The following RALYL variants were observed in gnomAD, a reference collection of about 807,000 sequenced individuals.
RALYL encodes RALY RNA binding protein like.
A neutral mutation model predicts 35.1 loss-of-function variants in RALYL; 29 were observed. That is an observed-to-expected ratio of 0.83 (90% CI 0.61 to 1.13). The LOEUF (loss-of-function observed/expected upper bound fraction) is 1.13. Among genes scored for constraint, RALYL ranks in the 50% most tolerant of loss-of-function variants. The probability of loss-of-function intolerance (pLI) is 0.00; values close to 1 mark genes in which losing one functional copy is unlikely to be tolerated. For missense variants in RALYL, 359 were observed against 360.4 expected, an observed-to-expected ratio of 1.00 and a Z score of 0.03; for synonymous variants, 120 against 127.6, an observed-to-expected ratio of 0.94 and a Z score of 0.40.
chr8:84,203,397 A>T (rs1017376325), intron 1 of RALYL, among the ~76,000 whole-genome samples: 1 of 152,020 alleles, frequency 6.6e-6, no homozygotes, highest in African/African-American at 2.4e-5. Context: ...GAACTTTTCA[A>T]GTGCTTTTAT....
intron 2 of RALYL, among the ~76,000 whole-genome samples, chr8:84,549,359 GATT>G (rs139230505): frequency 3.0e-4 from 45 of 152,260 alleles, no homozygotes; most frequent in African/African-American, 1.1e-3. Context: ...TTTCCCCATG[GATT>G]GGTGTGATGG....
At chr8:84,678,511 C>T (rs766164012) in intron 2 of RALYL, among the ~76,000 whole-genome samples, 6 of 152,110 alleles carry the variant, frequency 3.9e-5, no homozygotes, top group Admixed American at 6.6e-5. Flanking sequence ...AAATGATCCA[C>T]CCACCTCGGC....
chr8:84,788,378 AT>A (rs1426993760), intron 3 of RALYL, among the ~76,000 whole-genome samples: 2 of 152,222 alleles, frequency 1.3e-5, no homozygotes, highest in Admixed American at 1.3e-4. Flanking sequence ...CCATATGCAG[AT>A]AATATTTTTC....
intron 1 of RALYL, among the ~76,000 whole-genome samples, chr8:84,429,958 A>G (rs2046964363): frequency 6.6e-6 from 1 of 152,022 alleles, no homozygotes; most frequent in South Asian, 2.1e-4. Context: ...TTACTCTGAA[A>G]GGTGCAGAAA....
At chr8:84,554,767 C>G (rs980811814) in intron 2 of RALYL, among the ~76,000 whole-genome samples, 6 of 151,992 alleles carry the variant, frequency 3.9e-5, no homozygotes, top group Admixed American at 1.3e-4. Context: ...TCTCTTAGGA[C>G]GAATAATACT....
In RALYL at chr8:84,543,688, T is replaced by C. The variant is rs1456371502; in HGVS notation, c.256+14111T>C. 2.6e-5 allele frequency among the ~76,000 whole-genome samples: 4 copies of C among 152,018 alleles called. No homozygotes were observed. In the East Asian group the frequency reaches 7.8e-4, roughly 29 times the overall value. On this transcript the variant is annotated intron_variant, in intron 2 of 8. Coordinates refer to ENST00000521268, the MANE Select transcript of RALYL (RefSeq NM_173848.7). ...CTTTGGCTTTGACACCATATTTATG[T>C]TGGTTTCTGGGTCGTTTTGACATAA...
chr8:84,507,385 T>C (rs994790353), intron 1 of RALYL, among the ~76,000 whole-genome samples: 1 of 152,108 alleles, frequency 6.6e-6, no homozygotes, highest in African/African-American at 2.4e-5. Context: ...AGTATAATTA[T>C]GAATTCAGTA....
At chr8:84,277,058 C>G (rs1293170707) in intron 1 of RALYL, among the ~76,000 whole-genome samples, 1 of 152,218 alleles carries the variant, frequency 6.6e-6, no homozygotes, top group Non-Finnish European at 1.5e-5. Context: ...TATATCTCTA[C>G]TGTGTCTTTG....
At chr8:84,543,597 G>T (rs924904125) in intron 2 of RALYL, among the ~76,000 whole-genome samples, 4 of 151,940 alleles carry the variant, frequency 2.6e-5, no homozygotes, top group Non-Finnish European at 5.9e-5. Context: ...TGAGCTCAGG[G>T]ATTAAACATA....
At chr8:84,351,992 A>T (rs1850985973) in intron 1 of RALYL, among the ~76,000 whole-genome samples, 4 of 150,338 alleles carry the variant, frequency 2.7e-5, no homozygotes, top group Admixed American at 2.0e-4. Flanking sequence ...TTTTAGATGG[A>T]AATATATGTG....
rs371997512 is a variant in RALYL at position 84,353,664 on chromosome 8, G to C, written c.-24+169240G>C. ...CGTCAAGATATGTTACAAGGTGCAA[G>C]ACTTAACATTAACTGCCTTTCTAAC... On this transcript the variant is annotated intron_variant, in intron 1 of 8. Transcript: ENST00000521268. Among the ~76,000 whole-genome samples the C allele has an allele frequency of 1.1e-3, 162 of 150,224 alleles. 5 individuals are homozygous for C. The South Asian group carries it at 0.032, about 30-fold the overall frequency.
At chr8:84,212,164 G>A (rs16919771) in intron 1 of RALYL, among the ~76,000 whole-genome samples, 5,459 of 152,188 alleles carry the variant, frequency 0.036, 313 homozygotes, top group African/African-American at 0.12. Flanking sequence ...AAGTTTCATA[G>A]CAGAGGTTAA....
intron 2 of RALYL, among the ~76,000 whole-genome samples, chr8:84,553,906 C>T (rs1290611750): frequency 6.6e-6 from 1 of 152,098 alleles, no homozygotes; most frequent in African/African-American, 2.4e-5. Context: ...AAGTGTTACA[C>T]AAACATTTGC....
chr8:84,463,295 A>G (rs1288354005), intron 1 of RALYL, among the ~76,000 whole-genome samples: 1 of 152,010 alleles, frequency 6.6e-6, no homozygotes, highest in Admixed American at 6.6e-5. Flanking sequence ...TTTCTGTGAC[A>G]TGGACAACAT....
At chr8:84,258,484 T>C (rs780020558) in intron 1 of RALYL, among the ~76,000 whole-genome samples, 1 of 152,078 alleles carries the variant, frequency 6.6e-6, no homozygotes, top group Non-Finnish European at 1.5e-5. Flanking sequence ...TTACTTTTTT[T>C]TTTCTCACAA....
chr8:84,413,612 A>T (rs987047976), intron 1 of RALYL, among the ~76,000 whole-genome samples: 36 of 151,212 alleles, frequency 2.4e-4, no homozygotes, highest in Non-Finnish European at 4.6e-4. Flanking sequence ...CTTTGTATAA[A>T]CCTTATAAAG....
At chr8:84,273,751 G>A (rs1834795896) in intron 1 of RALYL, among the ~76,000 whole-genome samples, 1 of 152,156 alleles carries the variant, frequency 6.6e-6, no homozygotes, top group Admixed American at 6.5e-5. Context: ...ACAATTGAAG[G>A]GCAAGAGCCT....
intron 4 of RALYL, among the ~76,000 whole-genome samples, chr8:84,823,798 C>T (rs903526027): frequency 1.3e-5 from 2 of 152,040 alleles, no homozygotes; most frequent in Admixed American, 1.3e-4. Flanking sequence ...ATTCCTCCTT[C>T]TTTCAGCTTC....
intron 2 of RALYL, among the ~76,000 whole-genome samples, chr8:84,697,449 C>T (rs1215265343): frequency 6.6e-6 from 1 of 151,998 alleles, no homozygotes; most frequent in Non-Finnish European, 1.5e-5. Flanking sequence ...TTCTAACCTA[C>T]TTGATTATTT....
Sources: allele counts gnomAD v4.1 joint callset (sites outside exome capture counted in the v4.1 genomes callset), GRCh38; gene constraint gnomAD v4.1.1; transcripts MANE v1.5; gene names NCBI Gene and HGNC (gene_info 2026-07-23, HGNC 2026-07-21).